The following GABBR2 variants were observed in gnomAD, a reference collection of about 807,000 sequenced individuals.
The protein encoded by GABBR2 is G-protein coupled receptor 51.
Under a neutral mutation model 105.6 loss-of-function variants are expected in GABBR2, and 23 were observed. The observed-to-expected ratio is 0.22, with a 90% confidence interval of 0.16 to 0.31. GABBR2 has a LOEUF of 0.31. Ranked by LOEUF, GABBR2 falls within the 10% of genes least tolerant of loss-of-function variation. GABBR2 has a pLI of 1.00. For synonymous variants in GABBR2, 478 were observed against 499.7 expected (o/e 0.96, Z 0.58); for missense variants, 734 against 1,245.5 (o/e 0.59, Z 6.18).
intron 1 of GABBR2, among the ~76,000 whole-genome samples, chr9:98,629,942 C>T (rs1441714685): frequency 1.3e-5 from 2 of 152,146 alleles, no homozygotes; most frequent in African/African-American, 4.8e-5. Context: ...CTCCAATCTA[C>T]AAGGTTTTTT....
chr9:98,706,109 C>CAAAAAAAAAAAAAAAAAA (rs3983388), intron 1 of GABBR2, among the ~76,000 whole-genome samples: 2 of 136,992 alleles, frequency 1.5e-5, no homozygotes, highest in African/African-American at 5.6e-5. Flanking sequence ...ACAAAAAAAA[C>CAAAAAAAAAAAAAAAAAA]AAAAAAAAAA....
At chr9:98,546,018 G>A (rs966620344) in intron 2 of GABBR2, among the ~76,000 whole-genome samples, 12 of 152,122 alleles carry the variant, frequency 7.9e-5, no homozygotes, top group Admixed American at 3.3e-4. Flanking sequence ...GATTTATTTC[G>A]GAGAGTATTT....
chr9:98,595,396 C>T (rs1002401750), intron 1 of GABBR2, among the ~76,000 whole-genome samples: 2 of 151,598 alleles, frequency 1.3e-5, no homozygotes, highest in Non-Finnish European at 2.9e-5. Context: ...AACTTTTAGA[C>T]TGCAGCAGAT....
rs149851586 is a variant in GABBR2, at chr9:98,565,822, G to T, written c.459+12113C>A. 3.7e-3 allele frequency among the ~76,000 whole-genome samples: 563 copies of T among 152,308 alleles called. 2 individuals carry two copies. Among genetic ancestry groups the T allele is most frequent in the Non-Finnish European group, 6.3e-3 (428 of 68,026 alleles). On this transcript the variant is annotated intron_variant, in intron 2 of 18. Coordinates refer to ENST00000259455, the MANE Select transcript of GABBR2 (RefSeq NM_005458.8). Reference sequence around the variant, plus strand: ...AACCCCAGCCTATCTGCCCAAGCCTGAGACGCGTACCCGGTATTATTGGTA... The same window carrying T: ...AACCCCAGCCTATCTGCCCAAGCCTTAGACGCGTACCCGGTATTATTGGTA...
chr9:98,604,157 C>A (rs147520299), intron 1 of GABBR2, among the ~76,000 whole-genome samples: 1 of 152,326 alleles, frequency 6.6e-6, no homozygotes, highest in East Asian at 1.9e-4. Flanking sequence ...CCTACCAAAC[C>A]GGAATCTCTA....
At chr9:98,625,360 C>T (rs777881785) in intron 1 of GABBR2, among the ~76,000 whole-genome samples, 1 of 152,260 alleles carries the variant, frequency 6.6e-6, no homozygotes, top group Non-Finnish European at 1.5e-5. Flanking sequence ...CATTGCCCTT[C>T]TGTGGAAACT....
At chr9:98,370,858 G>A (rs1264012229) in intron 12 of GABBR2, among the ~76,000 whole-genome samples, 1 of 152,122 alleles carries the variant, frequency 6.6e-6, no homozygotes, top group East Asian at 1.9e-4. Context: ...GGCGAATGCG[G>A]TCCACGGTGT....
chr9:98,449,691 A>T (rs1826199269), intron 7 of GABBR2, among the ~76,000 whole-genome samples: 2 of 152,172 alleles, frequency 1.3e-5, no homozygotes, highest in Non-Finnish European at 2.9e-5. Flanking sequence ...TCATTTTCAG[A>T]AAAGGGGATT....
At chr9:98,370,721 T>C (rs923525892) in intron 12 of GABBR2, among the ~76,000 whole-genome samples, 4 of 152,204 alleles carry the variant, frequency 2.6e-5, no homozygotes, top group African/African-American at 9.7e-5. Context: ...CTTTCACAAA[T>C]TTTATCCAGA....
At chr9:98,506,882 C>T (rs1048283196) in intron 3 of GABBR2, among the ~76,000 whole-genome samples, 27 of 152,316 alleles carry the variant, frequency 1.8e-4, no homozygotes, top group Non-Finnish European at 3.4e-4. Flanking sequence ...CCCACAATGC[C>T]AGCTGTCAGC....
intron 1 of GABBR2, among the ~76,000 whole-genome samples, chr9:98,619,585 T>G (rs899667548): frequency 1.3e-5 from 2 of 152,234 alleles, no homozygotes; most frequent in East Asian, 3.8e-4. Context: ...AAGTCAATTT[T>G]GGTTAAAGTG....
chr9:98,291,606 A>G (rs1830304079), intron 18 of GABBR2, among the ~76,000 whole-genome samples: 1 of 152,136 alleles, frequency 6.6e-6, no homozygotes, highest in Non-Finnish European at 1.5e-5. Flanking sequence ...AAAAAAAGGG[A>G]CACTGATGTG....
intron 4 of GABBR2, among the ~76,000 whole-genome samples, chr9:98,481,678 T>TG (rs1451207612): frequency 6.6e-6 from 1 of 152,230 alleles, no homozygotes; most frequent in Non-Finnish European, 1.5e-5. Context: ...ATGAGGATAA[T>TG]GGTAGTACGT....
chr9:98,484,850 C>A (rs1827009411), intron 4 of GABBR2, among the ~76,000 whole-genome samples: 1 of 152,200 alleles, frequency 6.6e-6, no homozygotes, highest in South Asian at 2.1e-4. Context: ...TAGCTTGTAT[C>A]TTTTCCTGAA....
At chr9:98,609,825 G>A (rs1003202756) in intron 1 of GABBR2, among the ~76,000 whole-genome samples, 3 of 152,182 alleles carry the variant, frequency 2.0e-5, no homozygotes, top group Admixed American at 6.5e-5. Context: ...TTGTGTGGAC[G>A]CTGAGAGCTC....
At chr9:98,323,964 G>A (rs1368723772) in intron 13 of GABBR2, among the ~76,000 whole-genome samples, 1 of 152,134 alleles carries the variant, frequency 6.6e-6, no homozygotes, top group African/African-American at 2.4e-5. Context: ...CAATGTCAAG[G>A]TTTTCAGTTT....
At chr9:98,442,760 AG>A (rs1250712298) in intron 7 of GABBR2, among the ~76,000 whole-genome samples, 7 of 152,198 alleles carry the variant, frequency 4.6e-5, no homozygotes, top group Non-Finnish European at 8.8e-5. Flanking sequence ...GCTGTGAAGG[AG>A]GATCAGTCAC....
chr9:98,462,825 A>T (rs1826449230), intron 6 of GABBR2, among the ~76,000 whole-genome samples: 1 of 152,244 alleles, frequency 6.6e-6, no homozygotes. Flanking sequence ...TAATGTGCAC[A>T]TATGTTCACC....
chr9:98,550,221 A>G (rs896637595), intron 2 of GABBR2, among the ~76,000 whole-genome samples: 1 of 152,198 alleles, frequency 6.6e-6, no homozygotes, highest in Non-Finnish European at 1.5e-5. Flanking sequence ...AATCGTATGG[A>G]TAAGAAAACC....
Sources: allele counts gnomAD v4.1 joint callset (sites outside exome capture counted in the v4.1 genomes callset), GRCh38; gene constraint gnomAD v4.1.1; transcripts MANE v1.5; gene names NCBI Gene and HGNC (gene_info 2026-07-23, HGNC 2026-07-21).